Variants in ST3GAL2 observed in about 807,000 individuals in gnomAD.
ST3GAL2 encodes ST3 beta-galactoside alpha-2,3-sialyltransferase 2.
ST3GAL2 carries 16 observed loss-of-function variants against 37.5 expected under a neutral mutation model. That is an observed-to-expected ratio of 0.43 (90% CI 0.29 to 0.65). ST3GAL2 has a LOEUF of 0.65. Among genes scored for constraint, ST3GAL2 ranks in the 30% least tolerant of loss-of-function variants. The probability of loss-of-function intolerance (pLI) is 0.17; values close to 1 mark genes in which losing one functional copy is unlikely to be tolerated. For missense variants in ST3GAL2, 383 were observed against 487.8 expected (o/e 0.79, Z 2.02); for synonymous variants, 238 against 202.9 (o/e 1.17, Z -1.47).
chr16:70,401,890 A>T (rs779585848), intron 1 of ST3GAL2, among the ~76,000 whole-genome samples: 1 of 148,948 alleles, frequency 6.7e-6, no homozygotes, highest in Non-Finnish European at 1.5e-5. Context: ...GCTATGCAGG[A>T]GGCTTAGGCA....
chr16:70,382,428 G>A (rs926511290), intron 6 of ST3GAL2, among the ~76,000 whole-genome samples: 3 of 151,948 alleles, frequency 2.0e-5, no homozygotes, highest in African/African-American at 4.8e-5. Flanking sequence ...GATTACAGGC[G>A]TGCCCCAACA....
intron 4 of ST3GAL2, among the ~76,000 whole-genome samples, chr16:70,383,531 G>C (rs554235266): frequency 3.6e-4 from 52 of 144,820 alleles, no homozygotes; most frequent in African/African-American, 1.2e-3. Flanking sequence ...CAGCCTGGGT[G>C]ACAGAGTGAG....
chr16:70,416,590 C>G (rs2047678187), intron 1 of ST3GAL2, among the ~76,000 whole-genome samples: 1 of 152,096 alleles, frequency 6.6e-6, no homozygotes, highest in Admixed American at 6.6e-5. Flanking sequence ...CTATAAAAAT[C>G]AAAAGAAATG....
rs2047407476 is a variant in ST3GAL2, at chr16:70,381,774, G to T, written c.968C>A (p.Thr323Asn). 1 of 1,613,990 alleles carries T rather than the reference G, an allele frequency of 6.2e-7. No individual in the cohort carries two copies. The highest frequency in any genetic ancestry group is 1.3e-5 in the African/African-American group (1 of 74,950). The change falls in exon 7 of 7, where the codon ACT becomes AAT. Residue 323 changes from threonine (T) to asparagine (N), a missense_variant. By Grantham distance (65) the Thr-to-Asn change is moderately conservative (BLOSUM62 0). Transcript: ENST00000342907. ...CTCGAAGTCCGCGTCGTGCACGCCA[G>T]TCTTCCGGAACTCGCCCGCGTACCG... Reference protein sequence around the residue: ...NNRYAGEFRKTGVHDADFEAH... With the variant: ...NNRYAGEFRKNGVHDADFEAH...
intron 1 of ST3GAL2, among the ~76,000 whole-genome samples, chr16:70,426,061 T>G (rs534617591): frequency 1.9e-4 from 29 of 152,050 alleles, no homozygotes; most frequent in Middle Eastern, 3.4e-3. Flanking sequence ...TGTCTAGCCA[T>G]ACCTTGAACC....
At chr16:70,389,223 A>AAAAAAAAAAAAAAAAAAAAAAAAAAG (rs2047465311) in intron 3 of ST3GAL2, among the ~76,000 whole-genome samples, 1 of 135,144 alleles carries the variant, frequency 7.4e-6, no homozygotes, top group Non-Finnish European at 1.6e-5. Context: ...AAAAAAAAAA[A>AAAAAAAAAAAAAAAAAAAAAAAAAAG]AAAAAAAAAA....
At chr16:70,437,304 G>A (rs1376547133) in intron 1 of ST3GAL2, among the ~76,000 whole-genome samples, 1 of 152,166 alleles carries the variant, frequency 6.6e-6, no homozygotes, top group African/African-American at 2.4e-5. Flanking sequence ...AAGTTACAAG[G>A]TTAAAAGCAT....
intron 1 of ST3GAL2, among the ~76,000 whole-genome samples, chr16:70,420,017 C>G (rs868583751): frequency 3.3e-5 from 5 of 149,296 alleles, no homozygotes; most frequent in Admixed American, 6.6e-5. Context: ...TTTGACCCCC[C>G]CCTTCCCTTT....
chr16:70,429,635 ATTCTTTTTT>A (rs1412620340), intron 1 of ST3GAL2, among the ~76,000 whole-genome samples: 23 of 139,240 alleles, frequency 1.7e-4, no homozygotes, highest in Non-Finnish European at 2.3e-4. Context: ...AGGGCTTTAA[ATTCTTTTTT>A]TTTTTTTTTT....
intron 1 of ST3GAL2, among the ~76,000 whole-genome samples, chr16:70,405,268 G>C (rs1371611995): frequency 1.3e-5 from 2 of 151,976 alleles, no homozygotes; most frequent in South Asian, 2.1e-4. Flanking sequence ...ACAGCCTGGT[G>C]CGGTGGCTCA....
In ST3GAL2 at chr16:70,388,372, G is replaced by C. The variant is rs757418869; in HGVS notation, c.708C>G (p.Ile236Met). Reference sequence around the variant, plus strand: ...CAGGCCAGCAAGAAGCTCACAATCGGATCTGCCCCGTGGACAAGGCGCTGG... The same window carrying C: ...CAGGCCAGCAAGAAGCTCACAATCGCATCTGCCCCGTGGACAAGGCGCTGG... ...WIASALSTGQIRFTYAPVKSF... is the reference protein window; with the variant it reads ...WIASALSTGQMRFTYAPVKSF... The change falls in exon 4 of 7, where the codon ATC becomes ATG. Residue 236 changes from isoleucine (I) to methionine (M), a missense_variant. Transcript: ENST00000342907. The C allele has an allele frequency of 6.2e-7, 1 of 1,614,020 alleles. No individual in the cohort carries two copies. Among genetic ancestry groups the C allele is most frequent in the African/African-American group, 1.3e-5 (1 of 74,922 alleles).
chr16:70,427,681 C>G (rs967629946), intron 1 of ST3GAL2, among the ~76,000 whole-genome samples: 1 of 152,144 alleles, frequency 6.6e-6, no homozygotes, highest in African/African-American at 2.4e-5. Context: ...GGAAAGGAAC[C>G]CCCATCCATC....
chr16:70,421,973 C>A (rs1438046198), intron 1 of ST3GAL2, among the ~76,000 whole-genome samples: 1 of 152,184 alleles, frequency 6.6e-6, no homozygotes, highest in Non-Finnish European at 1.5e-5. Context: ...TCTTGCTATG[C>A]TGCCCAGGCT....
chr16:70,381,481 A>T lies in ST3GAL2; in HGVS notation c.*208T>A. ...CAGCGCCGGAAGTTTTCCTTGAGTC[A>T]CATGATTGGCTGGGAGAAACAGAAG... On this transcript the variant is annotated 3_prime_UTR_variant, in exon 7 of 7. Transcript: ENST00000342907. The T allele has an allele frequency of 1.6e-6, 1 of 622,366 alleles. No individual in the cohort carries two copies. The highest frequency in any genetic ancestry group is 2.7e-6 in the Non-Finnish European group (1 of 363,822). 38.6% of individuals were successfully genotyped at this position (622,366 alleles called of 1,614,324 possible). A position where few individuals can be genotyped will look rare whatever the true frequency, so the allele number is the denominator to read the frequency against.
chr16:70,423,630 T>A (rs1210245019), intron 1 of ST3GAL2, among the ~76,000 whole-genome samples: 1 of 152,130 alleles, frequency 6.6e-6, no homozygotes, highest in Non-Finnish European at 1.5e-5. Context: ...TTGGGCAAAT[T>A]TCTCAACTTC....
rs985684664 is a variant in ST3GAL2, at chr16:70,403,777, A to G, written c.-1003-4244T>C. On this transcript the variant is annotated intron_variant, in intron 1 of 6. Transcript: ENST00000342907. ...GTGTGAGCTGAGATTGCACCACAGC[A>G]CTCCAGCCTGGTGACAGAGTGAGAC... Among the ~76,000 whole-genome samples, 13 of 152,126 alleles carry G rather than the reference A, an allele frequency of 8.5e-5. No individual in the cohort carries two copies. The South Asian group carries it at 2.5e-3, about 29-fold the overall frequency.
chr16:70,382,361 C>T (rs1274076339), intron 6 of ST3GAL2, among the ~76,000 whole-genome samples: 1 of 152,146 alleles, frequency 6.6e-6, no homozygotes, highest in Non-Finnish European at 1.5e-5. Flanking sequence ...CGGCTCACTG[C>T]AACCTACGCC....
chr16:70,399,676 C>T, intron 1 of ST3GAL2, 143 bp from the exon 2 acceptor site: 1 of 376,788 alleles, frequency 2.7e-6, no homozygotes, highest in African/African-American at 2.1e-5. Context: ...GGGCTCTGCC[C>T]TCTAGCTGCA....
At position 70,388,580 on chromosome 16, in the gene ST3GAL2, T is replaced by G. The variant is rs761754582; in HGVS notation, c.534-34A>C. On this transcript the variant is annotated intron_variant, in intron 3 of 6. Transcript: ENST00000342907. Reference sequence around the variant, plus strand: ...ACAAGAGGGTGACATGAGAATCAACTGCCATGGAAACTGATACAAGATTCT... The same window carrying G: ...ACAAGAGGGTGACATGAGAATCAACGGCCATGGAAACTGATACAAGATTCT... The G allele has an allele frequency of 3.9e-5, 59 of 1,532,398 alleles. No homozygotes were observed. In the Middle Eastern group the frequency reaches 5.3e-4, roughly 14 times the overall value. 94.9% of individuals were successfully genotyped at this position (1,532,398 alleles called of 1,614,324 possible).
Sources: gnomAD v4.1 joint callset for allele counts (sites outside exome capture counted in the v4.1 genomes callset) on GRCh38, gnomAD v4.1.1 for gene constraint, MANE v1.5 for transcripts, NCBI Gene and HGNC (gene_info 2026-07-23, HGNC 2026-07-21) for gene names.